The following NEK7 variants were observed in gnomAD, a reference collection of about 807,000 sequenced individuals.
NEK7 encodes NIMA related kinase 7.
In NEK7, 18 loss-of-function variants were observed where a neutral mutation model predicts 44.6. The observed-to-expected ratio is 0.40, with a 90% CI of 0.28 to 0.60. The LOEUF is 0.60. NEK7 is among the 20% of genes least tolerant of loss of function. The pLI, the probability that NEK7 is intolerant of heterozygous loss-of-function variation, is 0.38. For missense variants in NEK7, 256 were observed against 366.5 expected (o/e 0.70, Z 2.46); for synonymous variants, 130 against 121.1 (o/e 1.07, Z -0.48).
At chr1:198,265,580 G>A (rs1653626618) in intron 5 of NEK7, among the ~76,000 whole-genome samples, 1 of 152,062 alleles carries the variant, frequency 6.6e-6, no homozygotes, top group Admixed American at 6.6e-5. Flanking sequence ...TACATATTTG[G>A]CTTTCTCTGG....
intron 1 of NEK7, among the ~76,000 whole-genome samples, chr1:198,216,086 T>C (rs994685313): frequency 6.6e-6 from 1 of 152,034 alleles, no homozygotes; most frequent in Non-Finnish European, 1.5e-5. Context: ...ACCTAATAGA[T>C]ATTCACGGAA....
intron 9 of NEK7, among the ~76,000 whole-genome samples, chr1:198,298,509 T>C (rs1316800088): frequency 1.3e-5 from 2 of 152,216 alleles, no homozygotes; most frequent in African/African-American, 4.8e-5. Context: ...AAAAGTATTA[T>C]CTTTATTTGA....
intron 1 of NEK7, among the ~76,000 whole-genome samples, chr1:198,173,195 G>A (rs1055139564): frequency 2.0e-5 from 3 of 152,118 alleles, no homozygotes; most frequent in Non-Finnish European, 2.9e-5. Flanking sequence ...TTGGGAGGCC[G>A]AAGTGGGAGG....
At position 198,264,138 on chromosome 1, in the gene NEK7, C is replaced by T. The variant is rs1653571432; in HGVS notation, c.275C>T (p.Pro92Leu). The change falls in exon 5 of 10, where the codon CCA (proline) becomes CTA (leucine). Residue 92 changes from proline to leucine, a missense_variant. Pro to Leu is a moderately conservative substitution (Grantham distance 98). Coordinates refer to ENST00000367385, the MANE Select transcript of NEK7 (RefSeq NM_133494.3). ...TTATTTTCTCAGCAACTCAACCATC[C>T]AAATGTAATAAAATATTATGCATCA... is the stretch of plus-strand genomic sequence containing the variant. ...EIDLLKQLNH[P>L]NVIKYYASFI... 3 of 1,589,538 alleles carry T rather than the reference C, an allele frequency of 1.9e-6. No homozygotes were observed. Among genetic ancestry groups the T allele is most frequent in the South Asian group, 1.2e-5 (1 of 85,114 alleles).
At chr1:198,262,438 CTTA>C in intron 3 of NEK7, 134 bp from the exon 4 acceptor site, 1 of 541,414 alleles carries the variant, frequency 1.8e-6, no homozygotes, top group South Asian at 2.6e-5. Flanking sequence ...TACAGAACTC[CTTA>C]ATAAAGAAAA....
chr1:198,298,193 A>T (rs561565643), intron 9 of NEK7, among the ~76,000 whole-genome samples: 4 of 152,312 alleles, frequency 2.6e-5, no homozygotes, highest in Admixed American at 2.0e-4. Context: ...AATGGAAAGG[A>T]GAAAAGGAAA....
At chr1:198,260,675 G>T (rs1053202058) in intron 3 of NEK7, among the ~76,000 whole-genome samples, 1 of 151,840 alleles carries the variant, frequency 6.6e-6, no homozygotes, top group African/African-American at 2.4e-5. Flanking sequence ...GTAAGGTAAG[G>T]CTTTATATTT....
rs1654738882 is a variant in NEK7, at chr1:198,297,155, G to C, written c.713G>C (p.Gly238Ala). Residue 238 changes from glycine to alanine, a missense_variant, in exon 9 of 10, where the codon GGT becomes GCT. Physicochemically the swap from Gly to Ala is moderately conservative, Grantham distance 60. Coordinates refer to ENST00000367385, the MANE Select transcript of NEK7 (RefSeq NM_133494.3). The stretch of plus-strand genomic sequence containing the variant: ...GCTGCATTACAAAGTCCTTTCTATG[G>C]TGACAAAATGAATTTATACTCACTG... ...EMAALQSPFYGDKMNLYSLCK... is the reference protein window; with the variant it reads ...EMAALQSPFYADKMNLYSLCK... 6.2e-7 allele frequency: 1 copy of C among 1,612,872 alleles called. No individual in the cohort carries two copies. The highest frequency in any genetic ancestry group is 1.3e-5 in the African/African-American group (1 of 74,852).
chr1:198,241,807 G>A (rs1261640198), intron 2 of NEK7, among the ~76,000 whole-genome samples: 1 of 152,114 alleles, frequency 6.6e-6, no homozygotes, highest in East Asian at 1.9e-4. Flanking sequence ...AGTTGATATG[G>A]AGCTTTCAGT....
intron 2 of NEK7, among the ~76,000 whole-genome samples, chr1:198,242,448 A>C (rs1666710643): frequency 6.7e-6 from 1 of 149,084 alleles, no homozygotes; most frequent in Non-Finnish European, 1.5e-5. Context: ...CCCAGGCTGA[A>C]ATGCCGTGGC....
chr1:198,159,153 T>A (rs1664017243), intron 1 of NEK7, among the ~76,000 whole-genome samples: 1 of 152,134 alleles, frequency 6.6e-6, no homozygotes, highest in Non-Finnish European at 1.5e-5. Flanking sequence ...CTGACGGCCT[T>A]CGCAGCCAAT....
chr1:198,268,669 G>A (rs899833966), intron 5 of NEK7, among the ~76,000 whole-genome samples: 2 of 152,078 alleles, frequency 1.3e-5, no homozygotes, highest in Non-Finnish European at 2.9e-5. Context: ...CACTTTAAGG[G>A]TAAAGACTAA....
At chr1:198,292,632 A>G (rs537440640) in intron 7 of NEK7, among the ~76,000 whole-genome samples, 2 of 151,984 alleles carry the variant, frequency 1.3e-5, no homozygotes, top group African/African-American at 4.8e-5. Context: ...GCCAACATGA[A>G]TCATTTAAGT....
At chr1:198,281,594 A>G (rs536714572) in intron 7 of NEK7, among the ~76,000 whole-genome samples, 2 of 152,200 alleles carry the variant, frequency 1.3e-5, no homozygotes, top group African/African-American at 4.8e-5. Context: ...ATTTTCAGGA[A>G]TTTAATTTTA....
At chr1:198,231,875 ATATT>A (rs1666407276) in intron 1 of NEK7, among the ~76,000 whole-genome samples, 1 of 152,100 alleles carries the variant, frequency 6.6e-6, no homozygotes, top group Non-Finnish European at 1.5e-5. Context: ...TCATAAAATA[ATATT>A]TATAGAGAAC....
intron 1 of NEK7, among the ~76,000 whole-genome samples, chr1:198,195,024 G>T (rs1665191654): frequency 6.6e-6 from 1 of 152,010 alleles, no homozygotes; most frequent in South Asian, 2.1e-4. Context: ...TTTAATAGTA[G>T]CCACTTTGAC....
At chr1:198,202,622 G>T (rs148024188) in intron 1 of NEK7, among the ~76,000 whole-genome samples, 16 of 152,298 alleles carry the variant, frequency 1.1e-4, no homozygotes, top group African/African-American at 3.9e-4. Flanking sequence ...CACGTGGCTA[G>T]GGAGGCCTCA....
At chr1:198,241,554 T>C (rs1386051626) in intron 2 of NEK7, among the ~76,000 whole-genome samples, 6 of 152,134 alleles carry the variant, frequency 3.9e-5, no homozygotes, top group African/African-American at 1.4e-4. Context: ...AAAAGAATGC[T>C]GAGGATGATA....
At chr1:198,227,554 C>T (rs997878301) in intron 1 of NEK7, among the ~76,000 whole-genome samples, 32 of 152,192 alleles carry the variant, frequency 2.1e-4, no homozygotes, top group African/African-American at 3.1e-4. Context: ...TTTTAATGAT[C>T]GCCATTCTAA....
Sources: allele counts gnomAD v4.1 joint callset (sites outside exome capture counted in the v4.1 genomes callset), GRCh38; gene constraint gnomAD v4.1.1; transcripts MANE v1.5; gene names NCBI Gene and HGNC (gene_info 2026-07-23, HGNC 2026-07-21).